TCEANC: variants seen among roughly 807,000 people sequenced by gnomAD.
TCEANC encodes transcription elongation factor A N-terminal and central domain-containing protein.
TCEANC carries 8 observed loss-of-function variants against 8.7 expected under a neutral mutation model. That is an observed-to-expected ratio of 0.92 (90% CI 0.54 to 1.65). The LOEUF (loss-of-function observed/expected upper bound fraction) is 1.65. Among genes scored for constraint, TCEANC ranks in the 40% most tolerant of loss-of-function variants. The probability of loss-of-function intolerance (pLI) is 0.00; values close to 1 mark genes in which losing one functional copy is unlikely to be tolerated. For synonymous variants in TCEANC, 78 were observed against 92.9 expected (o/e 0.84, Z 0.92); for missense variants, 255 against 251.9 (o/e 1.01, Z -0.08).
chrX:13,662,034 G>A (rs1426848536), intron 1 of TCEANC, among the ~76,000 whole-genome samples: 1 of 111,905 alleles, frequency 8.9e-6, no homozygotes, highest in Non-Finnish European at 1.9e-5. Flanking sequence ...CCACTTTAAA[G>A]ATTATGAAAT....
chrX:13,659,036 T>TAA (rs910720024), intron 1 of TCEANC, among the ~76,000 whole-genome samples: 1 of 112,394 alleles, frequency 8.9e-6, no homozygotes, highest in Non-Finnish European at 1.9e-5. Flanking sequence ...AAACTCTTAA[T>TAA]AAACAACAGG....
intron 1 of TCEANC, 107 bp from the exon 5 acceptor site, chrX:13,662,394 C>T (rs1197046464): frequency 3.8e-5 from 27 of 704,083 alleles, no homozygotes; most frequent in South Asian, 5.6e-5. Context: ...ATGACTCTTT[C>T]GGAAAACATT....
upstream of TCEANC, among the ~76,000 whole-genome samples, chrX:13,653,638 C>T (rs781549794): frequency 1.8e-5 from 2 of 111,675 alleles, no homozygotes; most frequent in East Asian, 5.6e-4. Context: ...GGGCGGGGCT[C>T]CCTGTGAAGC....
At chrX:13,653,141 G>T (rs1163834216), upstream of TCEANC, 1 of 112,949 alleles carries the variant, frequency 8.9e-6, no homozygotes, top group Non-Finnish European at 1.9e-5. Context: ...GAAGTTCTCC[G>T]TGGGCACTGG....
chrX:13,661,187 T>A (rs1051386139), intron 1 of TCEANC, among the ~76,000 whole-genome samples, 65 bp downstream of exon 4: 2 of 112,099 alleles, frequency 1.8e-5, no homozygotes, highest in Non-Finnish European at 3.8e-5. Flanking sequence ...ACATCTTGAT[T>A]GTTTTTCACC....
chrX:13,662,730 G>T (rs1486468380), exon 2 of TCEANC: 1 of 1,211,548 alleles, frequency 8.3e-7, no homozygotes, highest in Non-Finnish European at 1.1e-6. Context: ...TGCTATCAAA[G>T]TGGAAAGCTG....
At chrX:13,665,394 G>T (rs1282671596) in exon 2 of TCEANC, 1 of 123,295 alleles carries the variant, frequency 8.1e-6, no homozygotes, top group Non-Finnish European at 1.9e-5. Context: ...ACAAATAAAA[G>T]TAATTAAAAT....
At chrX:13,658,029 A>G (rs1273631798) in intron 1 of TCEANC, among the ~76,000 whole-genome samples, 6 of 112,383 alleles carry the variant, frequency 5.3e-5, no homozygotes, top group Non-Finnish European at 9.4e-5. Context: ...GTTATGCTGA[A>G]TAGAAGAAGC....
At chrX:13,661,991 C>G (rs2045969817) in intron 1 of TCEANC, among the ~76,000 whole-genome samples, 1 of 111,861 alleles carries the variant, frequency 8.9e-6, no homozygotes, top group Non-Finnish European at 1.9e-5. Context: ...CAAACCCTTT[C>G]TGTCTTGTTT....
exon 2 of TCEANC, chrX:13,663,893 C>A (rs1383333864): frequency 2.2e-5 from 4 of 182,499 alleles, no homozygotes; most frequent in Non-Finnish European, 4.3e-5. Context: ...TTGACAGGAT[C>A]CCCAGGTAAT....
chrX:13,657,826 A>AACAC (rs1334116020), intron 1 of TCEANC, among the ~76,000 whole-genome samples: 77 of 79,349 alleles, frequency 9.7e-4, no homozygotes, highest in African/African-American at 3.5e-3. Context: ...AAAAAAAAAA[A>AACAC]ACACACACAC....
At chrX:13,655,034 A>C (rs2045914506), upstream of TCEANC, among the ~76,000 whole-genome samples, 1 of 111,068 alleles carries the variant, frequency 9.0e-6, no homozygotes, top group African/African-American at 3.3e-5. Flanking sequence ...GAGAAGAGAG[A>C]GAGCATCCTG....
At chrX:13,660,978 A>G (rs1304605856) in intron 1 of TCEANC, among the ~76,000 whole-genome samples, 53 bp from the exon 4 acceptor site, 2 of 111,063 alleles carry the variant, frequency 1.8e-5, no homozygotes, top group South Asian at 3.8e-4. Context: ...CCAAGTAGCT[A>G]GGACTACAGG....
upstream of TCEANC, among the ~76,000 whole-genome samples, chrX:13,655,041 C>T (rs1379830546): frequency 9.0e-6 from 1 of 110,748 alleles, no homozygotes; most frequent in Non-Finnish European, 1.9e-5. Context: ...GAGAGAGCAT[C>T]CTGGATGCTC....
At chrX:13,660,386 T>C in intron 1 of TCEANC, among the ~76,000 whole-genome samples, 1 of 111,871 alleles carries the variant, frequency 8.9e-6, no homozygotes, top group South Asian at 3.7e-4. Context: ...TTGAGAAGAT[T>C]TATGTGTGCC....
chrX:13,658,315 G>C (rs1242823411), intron 1 of TCEANC, among the ~76,000 whole-genome samples: 1 of 111,745 alleles, frequency 8.9e-6, no homozygotes, highest in Non-Finnish European at 1.9e-5. Context: ...GGAATTGTAT[G>C]GTATGTGAAT....
intron 1 of TCEANC, among the ~76,000 whole-genome samples, 192 bp from the exon 4 acceptor site, chrX:13,660,839 C>G (rs1317413981): frequency 9.0e-6 from 1 of 111,618 alleles, no homozygotes; most frequent in African/African-American, 3.3e-5. Context: ...CTGGTTTATT[C>G]ATTTATTTAT....
chrX:13,657,318 A>G (rs1317940285), intron 1 of TCEANC, among the ~76,000 whole-genome samples: 2 of 112,440 alleles, frequency 1.8e-5, no homozygotes, highest in Non-Finnish European at 3.8e-5. Context: ...GAGAATGATT[A>G]AAAACTATCG....
upstream of TCEANC, among the ~76,000 whole-genome samples, chrX:13,654,953 G>A (rs1359071885): frequency 9.0e-6 from 1 of 110,734 alleles, no homozygotes; most frequent in African/African-American, 3.3e-5. Context: ...AGAAGCCAAG[G>A]GGCACTGGGC....
Sources: allele counts gnomAD v4.1 joint callset (sites outside exome capture counted in the v4.1 genomes callset), GRCh38; gene constraint gnomAD v4.1.1; transcripts MANE v1.5; gene names NCBI Gene and HGNC (gene_info 2026-07-23, HGNC 2026-07-21).